API5: variants seen among roughly 807,000 people sequenced by gnomAD.
The protein encoded by API5 is FIF.
A neutral mutation model predicts 71.9 loss-of-function variants in API5; 6 were observed. The ratio of observed to expected loss-of-function variants is 0.08; its 90% CI spans 0.05 to 0.16. The LOEUF (loss-of-function observed/expected upper bound fraction) is 0.16. Among genes scored for constraint, API5 ranks in the 10% least tolerant of loss-of-function variants. API5 has a pLI of 1.00. For synonymous variants in API5, 189 were observed against 221.3 expected (o/e 0.85, Z 1.30); for missense variants, 332 against 612.8 (o/e 0.54, Z 4.84).
At chr11:43,326,718 G>A in intron 7 of API5, 107 bp downstream of exon 7, 1 of 652,326 alleles carries the variant, frequency 1.5e-6, no homozygotes. Context: ...TTAAATGTCT[G>A]GTAATGGCCA....
intron 1 of API5, among the ~76,000 whole-genome samples, chr11:43,314,024 G>T (rs1053283268): frequency 3.3e-5 from 5 of 151,972 alleles, no homozygotes; most frequent in African/African-American, 1.2e-4. Context: ...GGAGGGTGGA[G>T]GTTCCTGTGA....
intron 5 of API5, among the ~76,000 whole-genome samples, chr11:43,322,515 C>G (rs1325625247): frequency 6.6e-6 from 1 of 152,134 alleles, no homozygotes; most frequent in Non-Finnish European, 1.5e-5. Flanking sequence ...ATCAAAATGA[C>G]CTGTTGTCAC....
At chr11:43,334,942 C>G (rs1243423923) in intron 11 of API5, among the ~76,000 whole-genome samples, 1 of 152,042 alleles carries the variant, frequency 6.6e-6, no homozygotes, top group Non-Finnish European at 1.5e-5. Flanking sequence ...CTTAAAGCAC[C>G]ATGGTGACTG....
intron 11 of API5, among the ~76,000 whole-genome samples, chr11:43,330,916 C>A (rs1855230400): frequency 6.6e-6 from 1 of 152,156 alleles, no homozygotes; most frequent in Non-Finnish European, 1.5e-5. Context: ...GTATACCTTT[C>A]CATTAAGCCA....
At chr11:43,339,924 C>T (rs1855558125) in intron 13 of API5, among the ~76,000 whole-genome samples, 1 of 151,964 alleles carries the variant, frequency 6.6e-6, no homozygotes, top group Non-Finnish European at 1.5e-5. Flanking sequence ...AAGAAGTTGT[C>T]ATGAAAGTCA....
In API5 at chr11:43,326,600, A is replaced by G. The variant is rs754789350; in HGVS notation, c.844A>G (p.Ile282Val). Reference sequence around the variant, plus strand: ...GACTACCCCAGTGGAAGGTCTTGATATACAGTTGGAGGTAAGCAAAAATTT... The same window carrying G: ...GACTACCCCAGTGGAAGGTCTTGATGTACAGTTGGAGGTAAGCAAAAATTT... ...TLTTPVEGLD[I>V]QLEVLKLLAE... The change falls in exon 7 of 14, where the codon ATA (isoleucine) becomes GTA (valine). Residue 282 changes from isoleucine (I) to valine (V), a missense_variant. Physicochemically the swap from Ile to Val is conservative, Grantham distance 29. Around this residue, in one of 3 missense-constraint regions of API5, gnomAD observed 168 missense variants for 343.9 expected, o/e 0.49. Coordinates refer to ENST00000531273, the MANE Select transcript of API5 (RefSeq NM_001142930.2). 6.2e-7 allele frequency: 1 copy of G among 1,606,020 alleles called. No individual in the cohort carries two copies. Among genetic ancestry groups the G allele is most frequent in the East Asian group, 2.2e-5 (1 of 44,736 alleles).
Position 43,312,033 on chromosome 11 carries a change from A to G in API5, c.-95A>G, listed in dbSNP as rs1854486477. 3 of 1,387,584 alleles carry G rather than the reference A, an allele frequency of 2.2e-6. No homozygotes were observed. Among genetic ancestry groups the G allele is most frequent in the Non-Finnish European group, 2.0e-6 (2 of 995,860 alleles). 86.0% of individuals were successfully genotyped at this position (1,387,584 alleles called of 1,614,324 possible). Reference sequence around the variant, plus strand: ...TGCACTGGCGGCAGCTGGAGGTGTAATAGTGCGGGTAGTGGGTTTGGAGAA... The same window carrying G: ...TGCACTGGCGGCAGCTGGAGGTGTAGTAGTGCGGGTAGTGGGTTTGGAGAA... On this transcript the variant is annotated 5_prime_UTR_variant, in exon 1 of 14. Coordinates refer to ENST00000531273, the MANE Select transcript of API5 (RefSeq NM_001142930.2).
intron 11 of API5, 33 bp downstream of exon 11, chr11:43,330,597 G>T: frequency 2.0e-6 from 3 of 1,466,360 alleles, no homozygotes; most frequent in Non-Finnish European, 2.8e-6. Flanking sequence ...CATTTCTGCA[G>T]TTACCATAAA....
At chr11:43,312,689 C>T (rs767488033) in intron 1 of API5, among the ~76,000 whole-genome samples, 1 of 152,132 alleles carries the variant, frequency 6.6e-6, no homozygotes, top group Non-Finnish European at 1.5e-5. Context: ...TTGGTCCAGA[C>T]TTTGATGAGA....
At chr11:43,325,632 A>G (rs1855045593) in intron 6 of API5, among the ~76,000 whole-genome samples, 1 of 152,234 alleles carries the variant, frequency 6.6e-6, no homozygotes, top group Non-Finnish European at 1.5e-5. Flanking sequence ...GCTGCAGACA[A>G]GAACAGAGCT....
rs1854487098 is a variant in API5 at position 43,312,040 on chromosome 11, G to T, written c.-88G>T. 7.0e-7 allele frequency: 1 copy of T among 1,438,310 alleles called. No individual in the cohort carries two copies. The highest frequency in any genetic ancestry group is 1.2e-5 in the South Asian group (1 of 84,478). The allele number at this position is 1,438,310 out of a possible 1,614,324, so 89.1% of individuals were successfully genotyped here. On this transcript the variant is annotated 5_prime_UTR_variant, in exon 1 of 14. Coordinates refer to ENST00000531273, the MANE Select transcript of API5 (RefSeq NM_001142930.2). ...GCGGCAGCTGGAGGTGTAATAGTGC[G>T]GGTAGTGGGTTTGGAGAAGTTCCGA...
chr11:43,323,364 T>C, intron 5 of API5, 66 bp from the exon 6 acceptor site: 1 of 1,360,816 alleles, frequency 7.3e-7, no homozygotes, highest in African/African-American at 1.4e-5. Flanking sequence ...AGCTATTCTC[T>C]TTCAGTGTTG....
intron 1 of API5, among the ~76,000 whole-genome samples, chr11:43,314,698 A>C (rs1293163897): frequency 6.6e-6 from 1 of 152,230 alleles, no homozygotes; most frequent in Non-Finnish European, 1.5e-5. Flanking sequence ...GTATCTCTGC[A>C]TAATGAGATG....
At chr11:43,328,178 A>C (rs1324830378) in intron 8 of API5, among the ~76,000 whole-genome samples, 3 of 152,200 alleles carry the variant, frequency 2.0e-5, no homozygotes, top group Non-Finnish European at 4.4e-5. Flanking sequence ...CTTAGCATGA[A>C]TTGAGTCATC....
chr11:43,321,560 G>C, intron 4 of API5, 84 bp downstream of exon 4: 1 of 1,113,370 alleles, frequency 9.0e-7, no homozygotes, highest in Non-Finnish European at 1.3e-6. Context: ...ATAAACTCTA[G>C]GGTTTACCCA....
At chr11:43,335,085 A>G (rs1255163834) in intron 11 of API5, among the ~76,000 whole-genome samples, 193 bp from the exon 12 acceptor site, 1 of 152,210 alleles carries the variant, frequency 6.6e-6, no homozygotes, top group Non-Finnish European at 1.5e-5. Flanking sequence ...ACAGTTTGTT[A>G]TGTGCACAAA....
At chr11:43,313,764 G>T (rs1429440022) in intron 1 of API5, among the ~76,000 whole-genome samples, 1 of 149,328 alleles carries the variant, frequency 6.7e-6, no homozygotes, top group African/African-American at 2.5e-5. Flanking sequence ...TGTGTAGGTC[G>T]GTTGTGAAGG....
chr11:43,324,669 C>CATTTATTT (rs559979340), intron 6 of API5, among the ~76,000 whole-genome samples: 72 of 151,882 alleles, frequency 4.7e-4, no homozygotes, highest in Admixed American at 1.0e-3. Flanking sequence ...GTCCACAATT[C>CATTTATTT]ATTTATTTAT....
intron 5 of API5, among the ~76,000 whole-genome samples, chr11:43,323,041 T>G (rs1049247340): frequency 6.6e-6 from 1 of 152,188 alleles, no homozygotes; most frequent in African/African-American, 2.4e-5. Flanking sequence ...GATTCAACAG[T>G]TTGCTACAGA....
Sources: gnomAD v4.1 joint callset for allele counts (sites outside exome capture counted in the v4.1 genomes callset) on GRCh38, gnomAD v4.1.1 for gene constraint, gnomAD v4.1.1 regional missense constraint, MANE v1.5 for transcripts, NCBI Gene and HGNC (gene_info 2026-07-23, HGNC 2026-07-21) for gene names.